Variants in KCNIP1 observed in about 807,000 individuals in gnomAD.
The protein encoded by KCNIP1 is potassium voltage-gated channel interacting protein 1.
Under a neutral mutation model 33.0 loss-of-function variants are expected in KCNIP1, and 18 were observed. The ratio of observed to expected loss-of-function variants is 0.55; its 90% CI spans 0.38 to 0.81. KCNIP1 has a LOEUF of 0.81. KCNIP1 is among the 30% of genes least tolerant of loss of function. The pLI, the probability that KCNIP1 is intolerant of heterozygous loss-of-function variation, is 0.00. For missense variants in KCNIP1, 238 were observed against 271.6 expected, an observed-to-expected ratio of 0.88 and a Z score of 0.87; for synonymous variants, 93 against 98.3, an observed-to-expected ratio of 0.95 and a Z score of 0.32.
intron 1 of KCNIP1, chr5:170,483,085 C>G (rs1389851006): frequency 2.2e-6 from 1 of 454,568 alleles, no homozygotes; most frequent in Non-Finnish European, 4.4e-6. Flanking sequence ...GAACTGGGGC[C>G]CGCAGAGCCG....
chr5:170,489,004 G>A lies in KCNIP1; in HGVS notation c.88+135040G>A, dbSNP rs10063281. ...CAGAGTGCAGAGCTGAGCCAAGCAG[G>A]TAAGAGTACTGACCCCGAGCCCACT... On this transcript the variant is annotated intron_variant, in intron 1 of 7. Coordinates refer to the KCNIP1 transcript ENST00000377360. The surrounding 1 kb of genome is among the most constrained non-coding windows in gnomAD (Gnocchi z 4.3). Among the ~76,000 whole-genome samples the A allele has an allele frequency of 0.22, 33,273 of 151,910 alleles. 4,267 individuals carry two copies. Among genetic ancestry groups the A allele is most frequent in the East Asian group, 0.4 (2,039 of 5,126 alleles).
chr5:170,443,001 CAGA>C (rs1048040230), intron 1 of KCNIP1, among the ~76,000 whole-genome samples: 4 of 152,226 alleles, frequency 2.6e-5, no homozygotes, highest in African/African-American at 9.6e-5. Flanking sequence ...CTGGTCTAGA[CAGA>C]AGGAGGGAGT....
chr5:170,460,423 G>C (rs1307751085), intron 1 of KCNIP1, among the ~76,000 whole-genome samples: 12 of 152,032 alleles, frequency 7.9e-5, no homozygotes, highest in Admixed American at 7.2e-4. Context: ...GATGAACATA[G>C]ATGCAAAAAA....
chr5:170,610,873 T>C (rs1411480193), intron 1 of KCNIP1, among the ~76,000 whole-genome samples: 1 of 152,248 alleles, frequency 6.6e-6, no homozygotes, highest in Non-Finnish European at 1.5e-5. Context: ...TGGATGATTA[T>C]TGTTCAGATG....
At chr5:170,598,904 CGTGTGTGTGTGTGTGTGTGTGTGT>C (rs70979192) in intron 1 of KCNIP1, among the ~76,000 whole-genome samples, 1 of 133,776 alleles carries the variant, frequency 7.5e-6, no homozygotes, top group African/African-American at 2.9e-5. Context: ...TGTGTGTGCG[CGTGTGTGTGTGTGTGTGTGTGTGT>C]GTGTGTGTGT....
chr5:170,534,954 A>T (rs1755923522), intron 1 of KCNIP1, among the ~76,000 whole-genome samples: 1 of 151,736 alleles, frequency 6.6e-6, no homozygotes, highest in African/African-American at 2.4e-5. Flanking sequence ...CCAGAGTCTG[A>T]TGAACATGTT....
At chr5:170,666,622 C>T (rs1273586126) in intron 1 of KCNIP1, among the ~76,000 whole-genome samples, 7 of 152,180 alleles carry the variant, frequency 4.6e-5, no homozygotes, top group African/African-American at 1.2e-4. Context: ...AGAAATCCAG[C>T]GTTAACATTT....
At chr5:170,398,715 G>A (rs1314493142) in intron 1 of KCNIP1, among the ~76,000 whole-genome samples, 1 of 152,228 alleles carries the variant, frequency 6.6e-6, no homozygotes, top group Non-Finnish European at 1.5e-5. Context: ...GCTGCTCTAA[G>A]TGGTTCAGGT....
At chr5:170,371,871 T>C (rs1763854808) in intron 1 of KCNIP1, among the ~76,000 whole-genome samples, 1 of 152,128 alleles carries the variant, frequency 6.6e-6, no homozygotes, top group Non-Finnish European at 1.5e-5. Flanking sequence ...AGAGTGTGAC[T>C]GTGTTCTCCC....
At chr5:170,376,914 C>G (rs913584144) in intron 1 of KCNIP1, 1 of 152,140 alleles carries the variant, frequency 6.6e-6, no homozygotes, top group African/African-American at 2.4e-5. Context: ...ACAAAAAAAA[C>G]TATAGTTGCC....
chr5:170,520,033 A>T (rs569393121), intron 1 of KCNIP1, among the ~76,000 whole-genome samples: 1 of 152,278 alleles, frequency 6.6e-6, no homozygotes, highest in South Asian at 2.1e-4. Flanking sequence ...GGCAGTCCCC[A>T]AGCTTCTAGT....
chr5:170,644,402 A>G (rs1162116317), intron 1 of KCNIP1, among the ~76,000 whole-genome samples: 2 of 152,188 alleles, frequency 1.3e-5, no homozygotes, highest in African/African-American at 2.4e-5. Flanking sequence ...TGAGTGAGCT[A>G]TATCAGAGTG....
At chr5:170,725,903 T>A (rs1389576044) in intron 5 of KCNIP1, among the ~76,000 whole-genome samples, 3 of 152,210 alleles carry the variant, frequency 2.0e-5, no homozygotes, top group African/African-American at 2.4e-5. Context: ...GAAAGAACCG[T>A]GTTTTCACAG....
chr5:170,675,313 T>A (rs563027072), intron 1 of KCNIP1, among the ~76,000 whole-genome samples: 14 of 151,372 alleles, frequency 9.2e-5, no homozygotes, highest in Admixed American at 8.5e-4. Flanking sequence ...AATATATATA[T>A]ATAAATAAAT....
intron 1 of KCNIP1, among the ~76,000 whole-genome samples, chr5:170,452,177 G>C (rs1268686227): frequency 2.6e-5 from 4 of 152,208 alleles, no homozygotes; most frequent in African/African-American, 9.7e-5. Context: ...GACGCACTGT[G>C]TGGTGCTTGC....
chr5:170,563,769 T>TTCTCCCGCCTC (rs1561689018), intron 1 of KCNIP1, among the ~76,000 whole-genome samples: 5 of 152,330 alleles, frequency 3.3e-5, no homozygotes, highest in African/African-American at 7.2e-5. Flanking sequence ...GCCTCCCAAG[T>TTCTCCCGCCTC]AGCTTGGATT....
chr5:170,483,596 C>A (rs1467641216), intron 1 of KCNIP1, among the ~76,000 whole-genome samples: 1 of 152,170 alleles, frequency 6.6e-6, no homozygotes, highest in Non-Finnish European at 1.5e-5. Flanking sequence ...TACAATCAGT[C>A]ACATTTGGGT....
At chr5:170,647,972 C>T (rs111628766) in intron 1 of KCNIP1, among the ~76,000 whole-genome samples, 7 of 152,022 alleles carry the variant, frequency 4.6e-5, no homozygotes, top group African/African-American at 1.2e-4. Context: ...GCAGAAGACC[C>T]GAACAGACAT....
chr5:170,631,598 C>T (rs1026801897), intron 1 of KCNIP1, among the ~76,000 whole-genome samples: 4 of 152,236 alleles, frequency 2.6e-5, no homozygotes, highest in Non-Finnish European at 5.9e-5. Context: ...TTCCACAGCA[C>T]AGAGCCACCA....
Sources: gnomAD v4.1 joint callset for allele counts (sites outside exome capture counted in the v4.1 genomes callset) on GRCh38, gnomAD v4.1.1 for gene constraint, Gnocchi (gnomAD v3.1) non-coding constraint, MANE v1.5 for transcripts, NCBI Gene and HGNC (gene_info 2026-07-23, HGNC 2026-07-21) for gene names.